Variants in EPB41L2 observed in about 807,000 individuals in gnomAD.
EPB41L2 encodes erythrocyte membrane protein band 4.1 like 2.
Under a neutral mutation model 113.0 loss-of-function variants are expected in EPB41L2, and 43 were observed. The observed-to-expected ratio is 0.38, with a 90% CI of 0.30 to 0.49. The LOEUF (loss-of-function observed/expected upper bound fraction) is 0.49. Ranked by LOEUF, EPB41L2 falls within the 20% of genes least tolerant of loss-of-function variation. The pLI is 0.95. For synonymous variants in EPB41L2, 442 were observed against 436.7 expected (o/e 1.01, Z -0.15); for missense variants, 1,147 against 1,223.4 (o/e 0.94, Z 0.93).
At chr6:131,041,347 TAA>T (rs1406650806) in intron 1 of EPB41L2, among the ~76,000 whole-genome samples, 1 of 152,158 alleles carries the variant, frequency 6.6e-6, no homozygotes, top group Non-Finnish European at 1.5e-5. Flanking sequence ...CGATGGCTGT[TAA>T]AAACCATTAG....
intron 18 of EPB41L2, among the ~76,000 whole-genome samples, chr6:130,861,447 G>T (rs185860458): frequency 1.3e-5 from 2 of 152,166 alleles, no homozygotes; most frequent in African/African-American, 4.8e-5. Flanking sequence ...GATCAACATC[G>T]GATTTTGACA....
At chr6:130,997,249 A>G (rs565382998) in intron 1 of EPB41L2, among the ~76,000 whole-genome samples, 1 of 152,358 alleles carries the variant, frequency 6.6e-6, no homozygotes, top group South Asian at 2.1e-4. Context: ...TCTTCATACA[A>G]GGATTAAAGC....
At chr6:130,933,591 GACAAA>G (rs1326151313) in intron 3 of EPB41L2, among the ~76,000 whole-genome samples, 2 of 152,016 alleles carry the variant, frequency 1.3e-5, no homozygotes, top group African/African-American at 4.8e-5. Flanking sequence ...ACAAAAGAGA[GACAAA>G]ACAAGACAAT....
chr6:130,908,926 C>T, intron 4 of EPB41L2, 63 bp from the exon 5 acceptor site: 3 of 1,278,414 alleles, frequency 2.3e-6, no homozygotes, highest in East Asian at 2.3e-5. Flanking sequence ...GAACAGTTTA[C>T]AGTTCACATA....
intron 1 of EPB41L2, 28 bp downstream of exon 1, chr6:131,063,127 C>G (rs1394842797): frequency 1.3e-5 from 2 of 153,248 alleles, no homozygotes; most frequent in Admixed American, 6.5e-5. Context: ...CGTGCAGCCC[C>G]GCACGCCTCC....
intron 3 of EPB41L2, among the ~76,000 whole-genome samples, chr6:130,954,364 G>A (rs1816682153): frequency 6.6e-6 from 1 of 151,900 alleles, no homozygotes; most frequent in South Asian, 2.1e-4. Flanking sequence ...TAAAACTTTG[G>A]GCAAGGAATT....
At chr6:130,959,763 T>C (rs1818711382) in intron 1 of EPB41L2, among the ~76,000 whole-genome samples, 4 of 152,228 alleles carry the variant, frequency 2.6e-5, no homozygotes, top group Admixed American at 1.3e-4. Flanking sequence ...ATTTCTAGTA[T>C]ATGCTCTCTA....
intron 1 of EPB41L2, among the ~76,000 whole-genome samples, chr6:130,978,077 C>T (rs1039458267): frequency 6.6e-6 from 1 of 152,174 alleles, no homozygotes; most frequent in Admixed American, 6.5e-5. Flanking sequence ...TAACCCATCC[C>T]CTATAATTTC....
At chr6:130,915,822 C>G (rs904429400) in intron 4 of EPB41L2, among the ~76,000 whole-genome samples, 1 of 152,144 alleles carries the variant, frequency 6.6e-6, no homozygotes, top group Non-Finnish European at 1.5e-5. Context: ...CAAGCTCTCT[C>G]TCTCTGCCTG....
At chr6:130,841,958 G>T (rs6935267) in intron 19 of EPB41L2, among the ~76,000 whole-genome samples, 24,451 of 152,156 alleles carry the variant, frequency 0.16, 2,084 homozygotes, top group Middle Eastern at 0.28. Context: ...AGAGAAAAGG[G>T]TTTTAAGGTG....
intron 4 of EPB41L2, among the ~76,000 whole-genome samples, chr6:130,913,512 TA>T (rs1800051846): frequency 6.6e-6 from 1 of 152,200 alleles, no homozygotes; most frequent in African/African-American, 2.4e-5. Flanking sequence ...GGGTACTTAA[TA>T]CAGTTTTAGG....
chr6:130,967,118 T>C (rs1317125243), intron 1 of EPB41L2, among the ~76,000 whole-genome samples: 1 of 152,130 alleles, frequency 6.6e-6, no homozygotes, highest in Non-Finnish European at 1.5e-5. Context: ...CTGTGGGGGA[T>C]TGGTCCACAG....
At chr6:130,892,816 C>A (rs1793417297) in intron 10 of EPB41L2, among the ~76,000 whole-genome samples, 1 of 152,076 alleles carries the variant, frequency 6.6e-6, no homozygotes, top group South Asian at 2.1e-4. Flanking sequence ...TGTGTGTTAT[C>A]TCATTTAATT....
At chr6:131,050,825 C>T (rs910244291) in intron 1 of EPB41L2, among the ~76,000 whole-genome samples, 2 of 152,188 alleles carry the variant, frequency 1.3e-5, no homozygotes, top group African/African-American at 4.8e-5. Flanking sequence ...AATTCCTGAG[C>T]TTAAATGATC....
chr6:130,865,970 A>T (rs1327562353), intron 16 of EPB41L2: 2 of 223,706 alleles, frequency 8.9e-6, no homozygotes, highest in African/African-American at 2.3e-5. Flanking sequence ...CAGGCAGAGA[A>T]GTTTCCACAG....
chr6:130,876,739 C>T (rs182458775), intron 14 of EPB41L2: 45 of 1,303,932 alleles, frequency 3.5e-5, no homozygotes, highest in Non-Finnish European at 4.4e-5. Context: ...TTCTCCTTCA[C>T]GGATAAAATA....
chr6:131,041,189 G>C (rs1350671232), intron 1 of EPB41L2, among the ~76,000 whole-genome samples: 1 of 152,174 alleles, frequency 6.6e-6, no homozygotes, highest in Non-Finnish European at 1.5e-5. Flanking sequence ...TAGTGTGCTG[G>C]TTAAACGGGA....
intron 1 of EPB41L2, among the ~76,000 whole-genome samples, chr6:131,045,370 A>ATATGAAAATTT (rs1562792621): frequency 6.6e-6 from 1 of 151,846 alleles, no homozygotes; most frequent in African/African-American, 2.4e-5. Flanking sequence ...TATTCATTTA[A>ATATGAAAATTT]AAATGATGAG....
chr6:130,926,378 C>T (rs1404897585), intron 4 of EPB41L2, among the ~76,000 whole-genome samples: 1 of 152,112 alleles, frequency 6.6e-6, no homozygotes, highest in Admixed American at 6.6e-5. Context: ...GATGTAAGTG[C>T]AAAGCATGTA....
Sources: gnomAD v4.1 joint callset for allele counts (sites outside exome capture counted in the v4.1 genomes callset) on GRCh38, gnomAD v4.1.1 for gene constraint, MANE v1.5 for transcripts, NCBI Gene and HGNC (gene_info 2026-07-23, HGNC 2026-07-21) for gene names.